Variants in SEC63 observed in about 807,000 individuals in gnomAD.
SEC63 encodes the protein translocation protein SEC63 homolog.
SEC63 carries 56 observed loss-of-function variants against 116.2 expected under a neutral mutation model. The ratio of observed to expected loss-of-function variants is 0.48; its 90% CI spans 0.39 to 0.60. The LOEUF (loss-of-function observed/expected upper bound fraction) is 0.60. SEC63 is among the 20% of genes least tolerant of loss of function. SEC63 has a pLI of 0.00. For synonymous variants in SEC63, 273 were observed against 294.6 expected (o/e 0.93, Z 0.75); for missense variants, 668 against 900.0 (o/e 0.74, Z 3.30).
chr6:107,922,905 A>C (rs983681089), intron 3 of SEC63, among the ~76,000 whole-genome samples: 1 of 152,156 alleles, frequency 6.6e-6, no homozygotes, highest in African/African-American at 2.4e-5. Context: ...ATGGGGGAGA[A>C]AATAGAAAGA....
At position 107,882,895 on chromosome 6, in the gene SEC63, C is replaced by A. The variant is rs1786443702; in HGVS notation, c.1833+93G>T. On this transcript the variant is annotated intron_variant, in intron 17 of 20. Transcript: ENST00000369002. ...ATATTATTTAAAGAAAGCAAGCGAG[C>A]AAGCAAACAAATGAACAACAACAAC... The A allele has an allele frequency of 9.8e-6, 8 of 818,406 alleles. No individual in the cohort carries two copies. The South Asian group carries it at 1.2e-4, about 13-fold the overall frequency. 50.7% of individuals were successfully genotyped at this position (818,406 alleles called of 1,614,324 possible).
At chr6:107,891,154 G>C (rs1451142773) in intron 16 of SEC63, among the ~76,000 whole-genome samples, 1 of 152,136 alleles carries the variant, frequency 6.6e-6, no homozygotes, top group Non-Finnish European at 1.5e-5. Flanking sequence ...ATGTCCTGAA[G>C]AGTATTTTCC....
rs1429939122 is a variant in SEC63 at position 107,867,976 on chromosome 6, T to G, written c.*3728A>C. 1 of 152,168 alleles carries G rather than the reference T, an allele frequency of 6.6e-6. No individual in the cohort carries two copies. The highest frequency in any genetic ancestry group is 2.4e-5 in the African/African-American group (1 of 41,434). The allele number at this position is 152,168 out of a possible 1,614,324, so 9.4% of individuals were successfully genotyped here. Reference sequence around the variant, plus strand: ...CCCTAAAGTATGTCAATGATTGTTATTTGGGTTTTCAGCTCAGGTTACAGA... The same window carrying G: ...CCCTAAAGTATGTCAATGATTGTTAGTTGGGTTTTCAGCTCAGGTTACAGA... On this transcript the variant is annotated 3_prime_UTR_variant, in exon 21 of 21. Transcript: ENST00000369002.
At chr6:107,896,619 A>G (rs1471415737) in intron 14 of SEC63, among the ~76,000 whole-genome samples, 3 of 152,344 alleles carry the variant, frequency 2.0e-5, no homozygotes, top group Middle Eastern at 3.4e-3. Flanking sequence ...GAAAGACAGA[A>G]GACGACACAC....
Position 107,872,789 on chromosome 6 carries a change from G to T in SEC63, c.2139+19C>A. The T allele has an allele frequency of 7.6e-7, 1 of 1,315,534 alleles. No individual in the cohort carries two copies. Among genetic ancestry groups the T allele is most frequent in the Non-Finnish European group, 1.1e-6 (1 of 920,546 alleles). 81.5% of individuals were successfully genotyped at this position (1,315,534 alleles called of 1,614,324 possible). A position where few individuals can be genotyped will look rare whatever the true frequency, so the allele number is the denominator to read the frequency against. On this transcript the variant is annotated intron_variant, in intron 20 of 20. Transcript: ENST00000369002. ...TTTATACAGAAAACTCTTATTTATTGAAGAGTCACTATTCTTACCTTCAAT... is the reference window on the plus strand; with the variant it reads ...TTTATACAGAAAACTCTTATTTATTTAAGAGTCACTATTCTTACCTTCAAT...
At chr6:107,925,598 T>C (rs1787657641) in intron 2 of SEC63, among the ~76,000 whole-genome samples, 1 of 152,096 alleles carries the variant, frequency 6.6e-6, no homozygotes, top group Non-Finnish European at 1.5e-5. Flanking sequence ...TTCTAGTGAG[T>C]AAAATTATGT....
intron 3 of SEC63, among the ~76,000 whole-genome samples, chr6:107,923,840 C>A (rs1477604680): frequency 6.6e-6 from 1 of 152,034 alleles, no homozygotes; most frequent in African/African-American, 2.4e-5. Flanking sequence ...CTTTCTAAGA[C>A]CCCCAACCTA....
intron 4 of SEC63, among the ~76,000 whole-genome samples, chr6:107,918,756 A>G (rs1254412114): frequency 6.6e-6 from 1 of 151,908 alleles, no homozygotes; most frequent in Non-Finnish European, 1.5e-5. Context: ...TGCTACAGAC[A>G]CAGTGATACC....
intron 16 of SEC63, among the ~76,000 whole-genome samples, chr6:107,886,835 G>GT (rs1379157811): frequency 1.9e-4 from 25 of 128,702 alleles, no homozygotes; most frequent in African/African-American, 7.1e-4. Flanking sequence ...ATAGTTTTTT[G>GT]TTTTTTTGGG....
intron 9 of SEC63, 22 bp from the exon 10 acceptor site, chr6:107,906,602 T>C: frequency 3.1e-6 from 5 of 1,609,812 alleles, no homozygotes; most frequent in Non-Finnish European, 3.4e-6. Context: ...AAAATAATTA[T>C]TCAAAAACAC....
In SEC63 at chr6:107,871,446, A is replaced by G. The variant is rs1024604872; in HGVS notation, c.*258T>C. 24 of 480,910 alleles carry G rather than the reference A, an allele frequency of 5.0e-5. No individual in the cohort carries two copies. The East Asian group carries it at 9.9e-4, about 20-fold the overall frequency. The allele number at this position is 480,910 out of a possible 1,614,324, so 29.8% of individuals were successfully genotyped here. ...TAGCCCACACTTCTGGACAGTTATAATAACAAAGGATTTATTATCATTTGC... is the reference window on the plus strand; with the variant it reads ...TAGCCCACACTTCTGGACAGTTATAGTAACAAAGGATTTATTATCATTTGC... On this transcript the variant is annotated 3_prime_UTR_variant, in exon 21 of 21. Coordinates refer to ENST00000369002, the MANE Select transcript of SEC63 (RefSeq NM_007214.5).
Position 107,871,832 on chromosome 6 carries a change from C to A in SEC63, c.2155G>T (p.Ala719Ser). 6.2e-7 allele frequency: 1 copy of A among 1,613,616 alleles called. No individual in the cohort carries two copies. Among genetic ancestry groups the A allele is most frequent in the Non-Finnish European group, 8.5e-7 (1 of 1,179,710 alleles). Residue 719 changes from alanine (A) to serine (S), a missense_variant, in exon 21 of 21, where the codon GCT becomes TCT. By Grantham distance (99) the Ala-to-Ser change is moderately conservative. Coordinates refer to ENST00000369002, the MANE Select transcript of SEC63 (RefSeq NM_007214.5). ...GGGTGATTTTCTGGCACAGGCTTAG[C>A]CTCATGAACTTCCAACTAGAAAGAA... is the stretch of plus-strand genomic sequence containing the variant. ...IKPLKLEVHEAKPVPENHPQW... is the reference protein window; with the variant it reads ...IKPLKLEVHESKPVPENHPQW...
intron 19 of SEC63, among the ~76,000 whole-genome samples, chr6:107,875,825 C>A (rs1257163763): frequency 6.6e-6 from 1 of 152,150 alleles, no homozygotes; most frequent in East Asian, 1.9e-4. Context: ...GACATTCATT[C>A]TTTCTATAGA....
chr6:107,957,693 G>A (rs1770738158), intron 1 of SEC63, 193 bp downstream of exon 1: 3 of 420,776 alleles, frequency 7.1e-6, no homozygotes, highest in Non-Finnish European at 7.9e-6. Flanking sequence ...GACAATGAAG[G>A]GAGGTGGAGA....
chr6:107,876,321 A>T (rs1311399793), intron 19 of SEC63, among the ~76,000 whole-genome samples: 1 of 152,194 alleles, frequency 6.6e-6, no homozygotes, highest in Non-Finnish European at 1.5e-5. Flanking sequence ...ACTAACAGTG[A>T]AAACTCCCAA....
chr6:107,917,440 C>T lies in SEC63; in HGVS notation c.453-4013G>A, dbSNP rs550279520. Among the ~76,000 whole-genome samples the T allele has an allele frequency of 1.2e-3, 181 of 152,016 alleles. 2 individuals are homozygous for T. Among genetic ancestry groups the T allele is most frequent in the African/African-American group, 4.2e-3 (175 of 41,438 alleles). The stretch of plus-strand genomic sequence containing the variant: ...GTCTCCCTGACCGAGCTGGTCTCGG[C>T]GGGCCTCTAAATGTTTAAACGAAAA... On this transcript the variant is annotated intron_variant, in intron 4 of 20. Transcript: ENST00000369002.
intron 1 of SEC63, among the ~76,000 whole-genome samples, chr6:107,933,568 A>T (rs1349868191): frequency 6.6e-6 from 1 of 152,170 alleles, no homozygotes; most frequent in Non-Finnish European, 1.5e-5. Flanking sequence ...CCCAAATTCA[A>T]ATCCATTTTA....
intron 1 of SEC63, among the ~76,000 whole-genome samples, chr6:107,953,811 G>A (rs1350873099): frequency 7.2e-6 from 1 of 139,500 alleles, no homozygotes; most frequent in African/African-American, 2.8e-5. Flanking sequence ...TGAGCCCCCC[G>A]CCCGGCCAGC....
At chr6:107,893,784 A>C (rs2114427472) in intron 15 of SEC63, 54 bp downstream of exon 15, 1 of 1,607,034 alleles carries the variant, frequency 6.2e-7, no homozygotes, top group East Asian at 2.2e-5. Context: ...TTGGAAAAGT[A>C]AATAAAATAT....
Sources: gnomAD v4.1 joint callset for allele counts (sites outside exome capture counted in the v4.1 genomes callset) on GRCh38, gnomAD v4.1.1 for gene constraint, MANE v1.5 for transcripts, NCBI Gene and HGNC (gene_info 2026-07-23, HGNC 2026-07-21) for gene names.